Variants in EREG observed in about 807,000 individuals in gnomAD.
The protein encoded by EREG is epiregulin, also known as proepiregulin.
Under a neutral mutation model 22.4 loss-of-function variants are expected in EREG, and 23 were observed. The ratio of observed to expected loss-of-function variants is 1.03; its 90% CI spans 0.74 to 1.46. EREG has a LOEUF of 1.46. Among genes scored for constraint, EREG ranks in the 40% most tolerant of loss-of-function variants. EREG has a pLI of 0.00. For missense variants in EREG, 226 were observed against 205.9 expected (o/e 1.10, Z -0.60); for synonymous variants, 100 against 75.4 (o/e 1.33, Z -1.69).
intron 1 of EREG, among the ~76,000 whole-genome samples, chr4:74,376,971 C>G (rs1752390619): frequency 6.6e-6 from 1 of 152,046 alleles, no homozygotes; most frequent in Non-Finnish European, 1.5e-5. Context: ...CAGATACAAG[C>G]CTTCTCTAAC....
In EREG at chr4:74,365,245, C is replaced by T. The variant is rs1752151288; in HGVS notation, c.-64C>T. 20 of 1,367,306 alleles carry T rather than the reference C, an allele frequency of 1.5e-5. 2 individuals are homozygous for T. The South Asian group carries it at 2.3e-4, about 15-fold the overall frequency. The allele number at this position is 1,367,306 out of a possible 1,614,324, so 84.7% of individuals were successfully genotyped here. ...CCACTGCCGCGAGCCCGTCTGCTCC[C>T]GCCCTGCCCGTGCACTCTCCGCAGC... On this transcript the variant is annotated 5_prime_UTR_variant, in exon 1 of 5. Transcript: ENST00000244869.
chr4:74,378,688 A>G (rs1183843529), intron 1 of EREG, among the ~76,000 whole-genome samples: 1 of 152,206 alleles, frequency 6.6e-6, no homozygotes, highest in African/African-American at 2.4e-5. Flanking sequence ...TTAACTAAAC[A>G]TCTGTGAAAT....
At chr4:74,384,394 A>G (rs1752532834) in intron 4 of EREG, among the ~76,000 whole-genome samples, 1 of 152,180 alleles carries the variant, frequency 6.6e-6, no homozygotes, top group African/African-American at 2.4e-5. Flanking sequence ...GGGAGGAAGG[A>G]AAAAGAAAGA....
chr4:74,379,343 C>A (rs1040221556), intron 1 of EREG, 105 bp from the exon 2 acceptor site: 11 of 682,422 alleles, frequency 1.6e-5, no homozygotes, highest in Non-Finnish European at 2.6e-5. Context: ...TGGACCAAAT[C>A]TGTGAAACAA....
chr4:74,380,266 C>T (rs1278465313), intron 2 of EREG, among the ~76,000 whole-genome samples: 1 of 83,062 alleles, frequency 1.2e-5, no homozygotes, highest in East Asian at 2.9e-4. Context: ...TCCTCCGCAT[C>T]ATCTTTTTTT....
In EREG at chr4:74,387,142, G is replaced by T. The variant is rs1228753954; in HGVS notation, c.*2334G>T. ...AGATGATTTAAGTATACAGGAGGAT[G>T]TGAATAGGTTATATGCAAGCACTAT... On this transcript the variant is annotated 3_prime_UTR_variant, in exon 5 of 5. Coordinates refer to ENST00000244869, the MANE Select transcript of EREG (RefSeq NM_001432.3). 6.6e-6 allele frequency: 1 copy of T among 152,138 alleles called. No homozygotes were observed. The highest frequency in any genetic ancestry group is 2.4e-5 in the African/African-American group (1 of 41,416). The allele number at this position is 152,138 out of a possible 1,614,324, so 9.4% of individuals were successfully genotyped here.
In EREG at chr4:74,379,518, T is replaced by C. The variant is rs896781258; in HGVS notation, c.138T>C (p.Asp46=). ...IPSCIPGESS[D]NCTALVQTED... The stretch of plus-strand genomic sequence containing the variant: ...CATGTATCCCAGGAGAGTCCAGTGA[T>C]AACTGCACAGCTTTAGGTAAGCCCA... Residue 46 remains aspartate, a synonymous_variant, in exon 2 of 5, where the codon GAT becomes GAC. Transcript: ENST00000244869. 1.9e-5 allele frequency: 30 copies of C among 1,607,456 alleles called. No homozygotes were observed. The highest frequency in any genetic ancestry group is 2.6e-5 in the Non-Finnish European group (30 of 1,174,110).
rs368534887 is a variant in EREG at position 74,368,086 on chromosome 4, A to G, written c.67+2711A>G. 1.3e-4 allele frequency among the ~76,000 whole-genome samples: 20 copies of G among 152,208 alleles called. 1 individual carries two copies. Among genetic ancestry groups the G allele is most frequent in the African/African-American group, 4.6e-4 (19 of 41,458 alleles). ...CTCTGTGATAATGAGGAAAGAGCCA[A>G]TGAGATTCAGGGTTAGCAGGAGCAT... On this transcript the variant is annotated intron_variant, in intron 1 of 4. Transcript: ENST00000244869.
At chr4:74,369,354 C>T (rs185360754) in intron 1 of EREG, among the ~76,000 whole-genome samples, 266 of 151,846 alleles carry the variant, frequency 1.8e-3, no homozygotes, top group Non-Finnish European at 3.0e-3. Context: ...CTCTGTATGC[C>T]TTTGTGTACT....
chr4:74,382,011 G>GAA (rs1752485540), intron 3 of EREG: 1 of 46,078 alleles, frequency 2.2e-5, no homozygotes, highest in Non-Finnish European at 5.0e-5. Flanking sequence ...AAAAAAAAAA[G>GAA]AATTGATTCC....
At chr4:74,371,962 A>G (rs773406525) in intron 1 of EREG, among the ~76,000 whole-genome samples, 3 of 151,990 alleles carry the variant, frequency 2.0e-5, no homozygotes, top group Non-Finnish European at 2.9e-5. Context: ...GGCAGGAACA[A>G]TGTCTTTTGT....
intron 4 of EREG, 53 bp downstream of exon 4, chr4:74,382,847 C>A: frequency 1.5e-6 from 2 of 1,366,284 alleles, no homozygotes; most frequent in Non-Finnish European, 2.0e-6. Flanking sequence ...TTACATAATG[C>A]AGACCTATAA....
chr4:74,388,346 AT>A lies in EREG; in HGVS notation c.*3539del, dbSNP rs1465675559. 6.6e-6 allele frequency: 1 copy of A among 152,282 alleles called. No individual in the cohort carries two copies. The highest frequency in any genetic ancestry group is 2.4e-5 in the African/African-American group (1 of 41,466). 9.4% of individuals were successfully genotyped at this position (152,282 alleles called of 1,614,324 possible). ...CTTGTACAAACAGTATTTCTGGTGT[AT>A]ATTTTAATGTTTTTAAAAAGAGTAA... is the stretch of plus-strand genomic sequence containing the variant. On this transcript the variant is annotated 3_prime_UTR_variant, in exon 5 of 5. Coordinates refer to ENST00000244869, the MANE Select transcript of EREG (RefSeq NM_001432.3).
chr4:74,376,923 TTTAC>T (rs1483379686), intron 1 of EREG, among the ~76,000 whole-genome samples: 2 of 152,178 alleles, frequency 1.3e-5, no homozygotes, highest in African/African-American at 2.4e-5. Flanking sequence ...CGATGTGTAA[TTTAC>T]TTTTCAGAAC....
chr4:74,371,261 G>A (rs1230737643), intron 1 of EREG, among the ~76,000 whole-genome samples: 1 of 152,014 alleles, frequency 6.6e-6, no homozygotes, highest in Non-Finnish European at 1.5e-5. Context: ...TAGTGCTTGA[G>A]TTACCAAGAC....
In EREG at chr4:74,368,589, C is replaced by T. The variant is rs557256262; in HGVS notation, c.67+3214C>T. On this transcript the variant is annotated intron_variant, in intron 1 of 4. Transcript: ENST00000244869. ...AATAACAATACTCATATAATCACTT[C>T]GGAGAAACTGAATTTGAATGTTTTC... Among the ~76,000 whole-genome samples the T allele has an allele frequency of 5.9e-4, 90 of 152,226 alleles. No individual in the cohort carries two copies. The Middle Eastern group carries it at 0.01, about 17-fold the overall frequency.
intron 2 of EREG, 144 bp from the exon 3 acceptor site, chr4:74,380,870 G>A (rs1254340191): frequency 1.3e-6 from 1 of 761,912 alleles, no homozygotes; most frequent in African/African-American, 1.8e-5. Context: ...CAACTAGAGT[G>A]ACTTCCTACT....
chr4:74,365,498 T>G, intron 1 of EREG, 123 bp downstream of exon 1: 2 of 682,744 alleles, frequency 2.9e-6, no homozygotes, highest in Middle Eastern at 5.2e-4. Flanking sequence ...CTATTTAAAA[T>G]TACGTCTTGT....
chr4:74,386,387 T>C lies in EREG; in HGVS notation c.*1579T>C, dbSNP rs905319108. 2.0e-5 allele frequency: 3 copies of C among 152,310 alleles called. No homozygotes were observed. The highest frequency in any genetic ancestry group is 4.1e-4 in the South Asian group (2 of 4,836). The allele number at this position is 152,310 out of a possible 1,614,324, so 9.4% of individuals were successfully genotyped here. A position where few individuals can be genotyped will look rare whatever the true frequency, so the allele number is the denominator to read the frequency against. ...ATATACCCTGGTGCAATCACACGAC[T>C]GTCATCTAAAGTCCTGGCCCTGGCC... On this transcript the variant is annotated 3_prime_UTR_variant, in exon 5 of 5. Transcript: ENST00000244869.
Sources: allele counts gnomAD v4.1 joint callset (sites outside exome capture counted in the v4.1 genomes callset), GRCh38; gene constraint gnomAD v4.1.1; transcripts MANE v1.5; gene names NCBI Gene and HGNC (gene_info 2026-07-23, HGNC 2026-07-21).